DPH6: variants seen among roughly 807,000 people sequenced by gnomAD.
DPH6 encodes diphthine--ammonia ligase.
Under a neutral mutation model 38.2 loss-of-function variants are expected in DPH6, and 33 were observed. The ratio of observed to expected loss-of-function variants is 0.86; its 90% CI spans 0.65 to 1.15. The LOEUF (loss-of-function observed/expected upper bound fraction) is 1.15. DPH6 is among the 50% of genes most tolerant of loss of function. The pLI, the probability that DPH6 is intolerant of heterozygous loss-of-function variation, is 0.00. For synonymous variants in DPH6, 108 were observed against 103.0 expected (o/e 1.05, Z -0.30); for missense variants, 325 against 320.0 (o/e 1.02, Z -0.12).
In DPH6 at chr15:35,242,865, C is replaced by T. The variant is rs987102830; in HGVS notation, n.201-22283G>A. ...CCCTACTATCTTCTGTCTAGTCATA[C>T]TCCTATTCACCGTTCTCAACTACTC... is the stretch of plus-strand genomic sequence containing the variant. On this transcript the variant is annotated intron_variant and non_coding_transcript_variant, in intron 3 of 3. Transcript: ENST00000560386. Among the ~76,000 whole-genome samples, 13 of 142,276 alleles carry T rather than the reference C, an allele frequency of 9.1e-5. 2 individuals are homozygous for T. The highest frequency in any genetic ancestry group is 3.1e-4 in the African/African-American group (12 of 39,332). The allele number at this position is 142,276 out of a possible 152,430, so 93.3% of individuals were successfully genotyped here. A position where few individuals can be genotyped will look rare whatever the true frequency, so the allele number is the denominator to read the frequency against.
At chr15:35,192,934 G>C in the DPH6 span, among the ~76,000 whole-genome samples, 1 of 152,240 alleles carries the variant, frequency 6.6e-6, no homozygotes, top group African/African-American at 2.4e-5. Flanking sequence ...AATCTTGGAA[G>C]GGAAGGAAAG....
chr15:35,488,131 C>G (rs1466418389), intron 3 of DPH6, among the ~76,000 whole-genome samples: 1 of 152,136 alleles, frequency 6.6e-6, no homozygotes, highest in Non-Finnish European at 1.5e-5. Flanking sequence ...TTGTCCATAT[C>G]ACTATTTTTG....
intron 6 of DPH6, among the ~76,000 whole-genome samples, chr15:35,395,417 C>T (rs762431572): frequency 3.3e-5 from 5 of 152,122 alleles, no homozygotes; most frequent in Non-Finnish European, 7.4e-5. Flanking sequence ...GGAGAGAATT[C>T]TGAATTTTAT....
At chr15:35,426,402 C>G (rs2053571175) in intron 5 of DPH6, among the ~76,000 whole-genome samples, 3 of 151,704 alleles carry the variant, frequency 2.0e-5, no homozygotes, top group African/African-American at 7.2e-5. Flanking sequence ...CTTTACTGTT[C>G]AGCATTCTTT....
At chr15:35,309,832 C>G (rs757373411) in intron 3 of DPH6, among the ~76,000 whole-genome samples, 16 of 152,270 alleles carry the variant, frequency 1.1e-4, no homozygotes, top group Non-Finnish European at 1.9e-4. Flanking sequence ...AAGTGCCTGG[C>G]ACATTTCTGA....
chr15:35,193,988 C>T, the DPH6 span, among the ~76,000 whole-genome samples: 3 of 152,136 alleles, frequency 2.0e-5, no homozygotes, highest in African/African-American at 7.2e-5. Context: ...TGATGTTTAG[C>T]TTTCATCAGT....
chr15:35,335,322 T>C (rs1460970280), intron 3 of DPH6, among the ~76,000 whole-genome samples: 1 of 152,222 alleles, frequency 6.6e-6, no homozygotes, highest in Non-Finnish European at 1.5e-5. Context: ...TTGCAAAAAT[T>C]TCCTCCCATT....
chr15:35,252,544 G>C (rs1033536327), intron 3 of DPH6, among the ~76,000 whole-genome samples: 3 of 152,180 alleles, frequency 2.0e-5, no homozygotes, highest in Non-Finnish European at 4.4e-5. Context: ...CATCTTGTGG[G>C]ACTAGTGATC....
intron 5 of DPH6, among the ~76,000 whole-genome samples, chr15:35,439,508 G>C (rs963017949): frequency 6.6e-6 from 1 of 152,182 alleles, no homozygotes; most frequent in Non-Finnish European, 1.5e-5. Context: ...CGGAGAAACT[G>C]GTTGTTTTAT....
At chr15:35,329,684 GA>G (rs1247092217), downstream of DPH6, among the ~76,000 whole-genome samples, 1 of 152,116 alleles carries the variant, frequency 6.6e-6, no homozygotes, top group Non-Finnish European at 1.5e-5. Flanking sequence ...ATTTGGGAAA[GA>G]AATACATTGT....
At chr15:35,172,207 G>C in the DPH6 span, among the ~76,000 whole-genome samples, 1 of 152,122 alleles carries the variant, frequency 6.6e-6, no homozygotes, top group Non-Finnish European at 1.5e-5. Flanking sequence ...GCATGAAACG[G>C]TTTGTGTACA....
the DPH6 span, among the ~76,000 whole-genome samples, chr15:35,207,637 T>C: frequency 6.6e-6 from 1 of 152,218 alleles, no homozygotes; most frequent in Non-Finnish European, 1.5e-5. Context: ...TATAAAATGA[T>C]AATTTAACTT....
intron 3 of DPH6, among the ~76,000 whole-genome samples, chr15:35,363,001 T>C (rs948393754): frequency 6.6e-6 from 1 of 152,214 alleles, no homozygotes; most frequent in Non-Finnish European, 1.5e-5. Flanking sequence ...TATTGTAATA[T>C]AACATTCCCT....
At chr15:35,305,069 A>C (rs985775771) in intron 3 of DPH6, among the ~76,000 whole-genome samples, 1 of 152,132 alleles carries the variant, frequency 6.6e-6, no homozygotes, top group Non-Finnish European at 1.5e-5. Flanking sequence ...GAATTTTTAC[A>C]TGACCAACTC....
chr15:35,334,595 C>T (rs2052353193), intron 3 of DPH6, among the ~76,000 whole-genome samples: 1 of 152,008 alleles, frequency 6.6e-6, no homozygotes, highest in Middle Eastern at 3.2e-3. Context: ...GTGTTGTTCC[C>T]CACCACGTGT....
chr15:35,175,235 C>T, the DPH6 span, among the ~76,000 whole-genome samples: 1 of 152,124 alleles, frequency 6.6e-6, no homozygotes. Flanking sequence ...TACCTGAAGT[C>T]GATAAGGCCA....
At chr15:35,283,366 G>T (rs765855241) in intron 3 of DPH6, among the ~76,000 whole-genome samples, 1 of 151,216 alleles carries the variant, frequency 6.6e-6, no homozygotes, top group Non-Finnish European at 1.5e-5. Context: ...GTGCAATTCC[G>T]GCTCACTGCA....
intron 5 of DPH6, among the ~76,000 whole-genome samples, chr15:35,412,040 G>A (rs540580140): frequency 6.6e-6 from 1 of 151,744 alleles, no homozygotes; most frequent in Admixed American, 6.6e-5. Flanking sequence ...TCTGCTCTGT[G>A]AAAGATAATG....
intron 3 of DPH6, among the ~76,000 whole-genome samples, chr15:35,223,203 T>C (rs2051454028): frequency 6.6e-6 from 1 of 152,164 alleles, no homozygotes; most frequent in African/African-American, 2.4e-5. Flanking sequence ...GCCTTCTTGC[T>C]GCATCATGCT....
Sources: gnomAD v4.1 joint callset for allele counts (sites outside exome capture counted in the v4.1 genomes callset) on GRCh38, gnomAD v4.1.1 for gene constraint, MANE v1.5 for transcripts, NCBI Gene and HGNC (gene_info 2026-07-23, HGNC 2026-07-21) for gene names.